AMER2: variants seen among roughly 807,000 people sequenced by gnomAD.
AMER2 encodes family with sequence similarity 123A.
In AMER2, 1 loss-of-function variant was observed where a neutral mutation model predicts 4.7. The observed-to-expected ratio is 0.21, with a 90% confidence interval of 0.07 to 1.00. The LOEUF is 1.00. Ranked by LOEUF, AMER2 falls within the 50% of genes least tolerant of loss-of-function variation. AMER2 has a pLI of 0.60. For missense variants in AMER2, 988 were observed against 966.9 expected (o/e 1.02, Z -0.29); for synonymous variants, 485 against 433.3 (o/e 1.12, Z -1.48).
In AMER2 at chr13:25,163,544, C is replaced by T. The variant is rs1956435759; in HGVS notation, c.*6060G>A. The T allele has an allele frequency of 6.6e-6, 1 of 151,752 alleles. No homozygotes were observed. Among genetic ancestry groups the T allele is most frequent in the Admixed American group, 6.6e-5 (1 of 15,226 alleles). 9.4% of individuals were successfully genotyped at this position (151,752 alleles called of 1,614,324 possible). ...AATCCTGCCATAAGCAACAACATGG[C>T]TAAACTTGGGGGTCGTTATGCTCAA... is the stretch of plus-strand genomic sequence containing the variant. On this transcript the variant is annotated 3_prime_UTR_variant, in exon 1 of 1. Coordinates refer to ENST00000515384, the MANE Select transcript of AMER2 (RefSeq NM_152704.4).
rs1956460827 is a variant in AMER2, at chr13:25,165,075, A to G, written c.*4529T>C. 1 of 152,194 alleles carries G rather than the reference A, an allele frequency of 6.6e-6. No individual in the cohort carries two copies. The highest frequency in any genetic ancestry group is 2.4e-5 in the African/African-American group (1 of 41,452). 9.4% of individuals were successfully genotyped at this position (152,194 alleles called of 1,614,324 possible). On this transcript the variant is annotated 3_prime_UTR_variant, in exon 1 of 1. Coordinates refer to ENST00000515384, the MANE Select transcript of AMER2 (RefSeq NM_152704.4). ...GCCCAATTTCAGTTCTGGAGGCTTC[A>G]TGACTATTTTCATCTTTCCTTTTGC...
rs1318818095 is a variant in AMER2, at chr13:25,167,617, C to T, written c.*1987G>A. ...CTGCATATAGGGCCTCATTTACACA[C>T]ATAAAGAAATTAAATATTAAAAGAT... On this transcript the variant is annotated 3_prime_UTR_variant, in exon 1 of 1. Coordinates refer to ENST00000515384, the MANE Select transcript of AMER2 (RefSeq NM_152704.4). 6.6e-6 allele frequency: 1 copy of T among 152,006 alleles called. No homozygotes were observed. The allele number at this position is 152,006 out of a possible 1,614,324, so 9.4% of individuals were successfully genotyped here.
In AMER2 at chr13:25,168,544, G is replaced by A. The variant is rs1392242872; in HGVS notation, c.*1060C>T. The stretch of plus-strand genomic sequence containing the variant: ...AGATTTTTTTTTTTTTTGAGAACCA[G>A]AGAACCCATATAAAACAAAATCAGA... On this transcript the variant is annotated 3_prime_UTR_variant, in exon 1 of 1. Transcript: ENST00000515384. The A allele has an allele frequency of 6.7e-6, 1 of 150,148 alleles. No individual in the cohort carries two copies. Among genetic ancestry groups the A allele is most frequent in the Non-Finnish European group, 1.5e-5 (1 of 67,692 alleles). 9.3% of individuals were successfully genotyped at this position (150,148 alleles called of 1,614,324 possible).
In AMER2 at chr13:25,166,795, G is replaced by C. The variant is rs1349984180; in HGVS notation, c.*2809C>G. 1 of 152,108 alleles carries C rather than the reference G, an allele frequency of 6.6e-6. No homozygotes were observed. The highest frequency in any genetic ancestry group is 1.5e-5 in the Non-Finnish European group (1 of 68,012). 9.4% of individuals were successfully genotyped at this position (152,108 alleles called of 1,614,324 possible). ...TCTCCATGAACACAAATGAGAGAAAGTAGCCCTTGGCACAAGAAAGCAACT... is the reference window on the plus strand; with the variant it reads ...TCTCCATGAACACAAATGAGAGAAACTAGCCCTTGGCACAAGAAAGCAACT... On this transcript the variant is annotated 3_prime_UTR_variant, in exon 1 of 1. Coordinates refer to ENST00000515384, the MANE Select transcript of AMER2 (RefSeq NM_152704.4).
Position 25,167,525 on chromosome 13 carries a change from T to C in AMER2, c.*2079A>G, listed in dbSNP as rs537394634. 6 of 152,324 alleles carry C rather than the reference T, an allele frequency of 3.9e-5. No homozygotes were observed. Among genetic ancestry groups the C allele is most frequent in the African/African-American group, 1.4e-4 (6 of 41,598 alleles). The allele number at this position is 152,324 out of a possible 1,614,324, so 9.4% of individuals were successfully genotyped here. On this transcript the variant is annotated 3_prime_UTR_variant, in exon 1 of 1. Transcript: ENST00000515384. ...GTTAGTCTGTACACAGTTGAGTGCATGAGCACGTGAGTGTGAGATGCTTAT... is the reference window on the plus strand; with the variant it reads ...GTTAGTCTGTACACAGTTGAGTGCACGAGCACGTGAGTGTGAGATGCTTAT...
rs1956493964 is a variant in AMER2, at chr13:25,167,499, TGTTA to T, written c.*2101_*2104del. On this transcript the variant is annotated 3_prime_UTR_variant, in exon 1 of 1. Transcript: ENST00000515384. ...AGATCTAGAGTAGATGTCTTTTGTCTGTTAGTCTGTACACAGTTGAGTGCATGAG... is the reference window on the plus strand; with the variant it reads ...AGATCTAGAGTAGATGTCTTTTGTCTGTCTGTACACAGTTGAGTGCATGAG... 1 of 152,210 alleles carries T rather than the reference TGTTA, an allele frequency of 6.6e-6. No homozygotes were observed. Among genetic ancestry groups the T allele is most frequent in the Admixed American group, 6.5e-5 (1 of 15,288 alleles). The allele number at this position is 152,210 out of a possible 1,614,324, so 9.4% of individuals were successfully genotyped here.
At position 25,169,488 on chromosome 13, in the gene AMER2, G is replaced by C; in HGVS notation, c.*116C>G. On this transcript the variant is annotated 3_prime_UTR_variant, in exon 1 of 1. Transcript: ENST00000515384. This position sits in a 1 kb window ranked among gnomAD's most constrained non-coding sequence, Gnocchi z 4.2. ...CGGTCCACGCTCTGGAGCAGGGCGG[G>C]GGACGGGTGGTGTCCTAAAAGACTT... 7.2e-7 allele frequency: 1 copy of C among 1,381,644 alleles called. No individual in the cohort carries two copies. The highest frequency in any genetic ancestry group is 9.6e-7 in the Non-Finnish European group (1 of 1,042,926). The allele number at this position is 1,381,644 out of a possible 1,614,324, so 85.6% of individuals were successfully genotyped here.
chr13:25,171,055 T>C lies in AMER2; in HGVS notation c.565A>G (p.Lys189Glu). The C allele has an allele frequency of 6.3e-7, 1 of 1,579,194 alleles. No individual in the cohort carries two copies. The highest frequency in any genetic ancestry group is 1.4e-5 in the African/African-American group (1 of 71,634). The change falls in exon 1 of 1, where the codon AAA becomes GAA. Residue 189 changes from lysine (K) to glutamate (E), a missense_variant. By Grantham distance (56) the Lys-to-Glu change is moderately conservative. Coordinates refer to ENST00000515384, the MANE Select transcript of AMER2 (RefSeq NM_152704.4). This position sits in a 1 kb window ranked among gnomAD's most constrained non-coding sequence, Gnocchi z 5.9. ...AGCCCCCGCAGCCCCCGCTTTTGTT[T>C]GCCGCCGGCCTTGCTCGCGTCCACA... is the stretch of plus-strand genomic sequence containing the variant. ...EPVDASKAGG[K>E]QKRGLRGLFS...
Position 25,171,565 on chromosome 13 carries a change from C to T in AMER2, c.55G>A (p.Ala19Thr). 10 of 1,546,374 alleles carry T rather than the reference C, an allele frequency of 6.5e-6. No homozygotes were observed. Among genetic ancestry groups the T allele is most frequent in the East Asian group, 2.4e-5 (1 of 41,264 alleles). Reference protein sequence around the residue: ...GGGAVSERGGAGASVGVCRRK... With the variant: ...GGGAVSERGGTGASVGVCRRK... The stretch of plus-strand genomic sequence containing the variant: ...CTGCAGACCCCCACGGACGCGCCAG[C>T]TCCGCCGCGCTCGCTGACAGCCCCG... The change falls in exon 1 of 1, where the codon GCT becomes ACT. Residue 19 changes from alanine (A) to threonine (T), a missense_variant. Coordinates refer to ENST00000515384, the MANE Select transcript of AMER2 (RefSeq NM_152704.4). This position sits in a 1 kb window ranked among gnomAD's most constrained non-coding sequence, Gnocchi z 5.9.
In AMER2 at chr13:25,169,920, G is replaced by A. The variant is rs1956531445; in HGVS notation, c.1700C>T (p.Ala567Val). Reference sequence around the variant, plus strand: ...GTTGTCCTTCCCTCCAGGAAGGGTTGCTGGACTTCCGTCCGGGTCAGCATA... The same window carrying A: ...GTTGTCCTTCCCTCCAGGAAGGGTTACTGGACTTCCGTCCGGGTCAGCATA... The part of the protein sequence containing the change: ...DLYADPDGSP[A>V]TLPGGKDNEE... Residue 567 changes from alanine to valine, a missense_variant, in exon 1 of 1, where the codon GCA (alanine) becomes GTA (valine). Physicochemically the swap from Ala to Val is moderately conservative, Grantham distance 64 (BLOSUM62 0). Coordinates refer to ENST00000515384, the MANE Select transcript of AMER2 (RefSeq NM_152704.4). The surrounding 1 kb of genome is among the most constrained non-coding windows in gnomAD (Gnocchi z 4.2). 2 of 1,614,056 alleles carry A rather than the reference G, an allele frequency of 1.2e-6. No homozygotes were observed. Among genetic ancestry groups the A allele is most frequent in the African/African-American group, 1.3e-5 (1 of 74,926 alleles).
At position 25,169,852 on chromosome 13, in the gene AMER2, C is replaced by G. The variant is rs1259867734; in HGVS notation, c.1768G>C (p.Gly590Arg). The G allele has an allele frequency of 1.2e-6, 2 of 1,614,066 alleles. No individual in the cohort carries two copies. The highest frequency in any genetic ancestry group is 1.7e-6 in the Non-Finnish European group (2 of 1,179,988). Residue 590 changes from glycine (G) to arginine (R), a missense_variant, in exon 1 of 1, where the codon GGC becomes CGC. By Grantham distance (125) the Gly-to-Arg change is moderately radical (BLOSUM62 -2). Transcript: ENST00000515384. This position sits in a 1 kb window ranked among gnomAD's most constrained non-coding sequence, Gnocchi z 4.2. ...SLSRLKPVSPGTITCPLRTPG... is the reference protein window; with the variant it reads ...SLSRLKPVSPRTITCPLRTPG... ...GTTCGCAGTGGACAGGTGATGGTGC[C>G]TGGAGATACGGGCTTTAACCGGGAC...
rs1356911275 is a variant in AMER2 at position 25,167,531 on chromosome 13, C to T, written c.*2073G>A. The T allele has an allele frequency of 1.3e-5, 2 of 152,084 alleles. No homozygotes were observed. The highest frequency in any genetic ancestry group is 1.9e-4 in the East Asian group (1 of 5,204). The allele number at this position is 152,084 out of a possible 1,614,324, so 9.4% of individuals were successfully genotyped here. A position where few individuals can be genotyped will look rare whatever the true frequency, so the allele number is the denominator to read the frequency against. On this transcript the variant is annotated 3_prime_UTR_variant, in exon 1 of 1. Transcript: ENST00000515384. ...CTGTACACAGTTGAGTGCATGAGCA[C>T]GTGAGTGTGAGATGCTTATATGAAT...
At position 25,172,162 on chromosome 13, in the gene AMER2, T is replaced by A. The variant is rs1261228531; in HGVS notation, c.-543A>T. The A allele has an allele frequency of 6.5e-6, 1 of 153,032 alleles. No homozygotes were observed. Among genetic ancestry groups the A allele is most frequent in the Non-Finnish European group, 1.5e-5 (1 of 68,680 alleles). The allele number at this position is 153,032 out of a possible 1,614,324, so 9.5% of individuals were successfully genotyped here. ...GTCTTGTCCAGAGCTGAGCACACGC[T>A]AGGTCCATGCTGTGTGGCTGTCATT... On this transcript the variant is annotated 5_prime_UTR_variant, in exon 1 of 1. Transcript: ENST00000515384.
Position 25,163,683 on chromosome 13 carries a change from TG to T in AMER2, c.*5920del, listed in dbSNP as rs1956438159. 6.6e-6 allele frequency: 1 copy of T among 151,192 alleles called. No individual in the cohort carries two copies. Among genetic ancestry groups the T allele is most frequent in the East Asian group, 1.9e-4 (1 of 5,158 alleles). 9.4% of individuals were successfully genotyped at this position (151,192 alleles called of 1,614,324 possible). On this transcript the variant is annotated 3_prime_UTR_variant, in exon 1 of 1. Transcript: ENST00000515384. ...TAGAATGATGGCTGCCAGGGGCTGA[TG>T]GGGGAGGAAATGAGGAGCTGCTGTT...
Position 25,164,329 on chromosome 13 carries a change from A to C in AMER2, c.*5275T>G, listed in dbSNP as rs1956451319. 1 of 152,030 alleles carries C rather than the reference A, an allele frequency of 6.6e-6. No individual in the cohort carries two copies. The highest frequency in any genetic ancestry group is 1.5e-5 in the Non-Finnish European group (1 of 68,024). 9.4% of individuals were successfully genotyped at this position (152,030 alleles called of 1,614,324 possible). On this transcript the variant is annotated 3_prime_UTR_variant, in exon 1 of 1. Coordinates refer to ENST00000515384, the MANE Select transcript of AMER2 (RefSeq NM_152704.4). ...GATTTCTGTCTGTACTTCCCACATT[A>C]ATCCTAAGAGAAGAGGATCCCTCCA...
chr13:25,171,762 A>G lies in AMER2; in HGVS notation c.-143T>C. 1 of 1,399,648 alleles carries G rather than the reference A, an allele frequency of 7.1e-7. No homozygotes were observed. Among genetic ancestry groups the G allele is most frequent in the Non-Finnish European group, 9.2e-7 (1 of 1,085,536 alleles). The allele number at this position is 1,399,648 out of a possible 1,614,324, so 86.7% of individuals were successfully genotyped here. On this transcript the variant is annotated 5_prime_UTR_variant, in exon 1 of 1. Coordinates refer to ENST00000515384, the MANE Select transcript of AMER2 (RefSeq NM_152704.4). This position sits in a 1 kb window ranked among gnomAD's most constrained non-coding sequence, Gnocchi z 5.9. ...ATAAAAGACCATCTTCCCTCCCGCA[A>G]GGGCTTATATAATACCCTAACCCAC...
Position 25,171,819 on chromosome 13 carries a change from G to A in AMER2, c.-200C>T, listed in dbSNP as rs1390854611. 5 of 1,138,612 alleles carry A rather than the reference G, an allele frequency of 4.4e-6. No homozygotes were observed. Among genetic ancestry groups the A allele is most frequent in the Non-Finnish European group, 5.6e-6 (5 of 886,372 alleles). The allele number at this position is 1,138,612 out of a possible 1,614,324, so 70.5% of individuals were successfully genotyped here. ...CCGACTTGGCTCGGCGCTGCATGGC[G>A]TTTTTGTGGCAGGAGCAGGCAACAC... On this transcript the variant is annotated 5_prime_UTR_variant, in exon 1 of 1. The change creates a new upstream start codon in the 5' untranslated region. Transcript: ENST00000515384. The surrounding 1 kb of genome is among the most constrained non-coding windows in gnomAD (Gnocchi z 5.9).
At position 25,170,969 on chromosome 13, in the gene AMER2, C is replaced by T; in HGVS notation, c.651G>A (p.Gly217=). The T allele has an allele frequency of 6.5e-7, 1 of 1,545,622 alleles. No homozygotes were observed. The highest frequency in any genetic ancestry group is 8.7e-7 in the Non-Finnish European group (1 of 1,148,646). ...GGATCAAGCCGCCCCCGGGCGCGCG[C>T]CCCTCCGCGGCCTCCGCCTTGGCCC... ...DKRAKAEAAE[G]RAPGGGLILP... The change falls in exon 1 of 1, where the codon GGG becomes GGA. Residue 217 remains glycine (G), a synonymous_variant. Coordinates refer to ENST00000515384, the MANE Select transcript of AMER2 (RefSeq NM_152704.4). The surrounding 1 kb of genome is among the most constrained non-coding windows in gnomAD (Gnocchi z 7.3).
At position 25,164,149 on chromosome 13, in the gene AMER2, A is replaced by T. The variant is rs1956448840; in HGVS notation, c.*5455T>A. ...ATTAAAGAGGGTAGATCTCATATTCAATATTCTTACTGCAATTAAAACACA... is the reference window on the plus strand; with the variant it reads ...ATTAAAGAGGGTAGATCTCATATTCTATATTCTTACTGCAATTAAAACACA... On this transcript the variant is annotated 3_prime_UTR_variant, in exon 1 of 1. Transcript: ENST00000515384. 6.6e-6 allele frequency: 1 copy of T among 150,418 alleles called. No homozygotes were observed. Among genetic ancestry groups the T allele is most frequent in the Non-Finnish European group, 1.5e-5 (1 of 67,576 alleles). The allele number at this position is 150,418 out of a possible 1,614,324, so 9.3% of individuals were successfully genotyped here.
Sources: gnomAD v4.1 joint callset for allele counts on GRCh38, gnomAD v4.1.1 for gene constraint, Gnocchi (gnomAD v3.1) non-coding constraint, MANE v1.5 for transcripts, NCBI Gene and HGNC (gene_info 2026-07-23, HGNC 2026-07-21) for gene names.